CEP83: variants seen among roughly 807,000 people sequenced by gnomAD.
The protein encoded by CEP83 is centrosomal protein 83.
CEP83 carries 70 observed loss-of-function variants against 101.9 expected under a neutral mutation model. The observed-to-expected ratio is 0.69, with a 90% CI of 0.57 to 0.84. The LOEUF is 0.84. CEP83 is among the 40% of genes least tolerant of loss of function. CEP83 has a pLI of 0.00. For synonymous variants in CEP83, 264 were observed against 267.9 expected (o/e 0.99, Z 0.14); for missense variants, 715 against 787.2 (o/e 0.91, Z 1.10).
At chr12:94,275,850 G>T in the CEP83 span, among the ~76,000 whole-genome samples, 3 of 52,968 alleles carry the variant, frequency 5.7e-5, 1 homozygote, top group Admixed American at 6.9e-4. Context: ...GCGAGACTCC[G>T]TCTCAAAAAA....
intron 1 of CEP83, among the ~76,000 whole-genome samples, chr12:94,458,576 T>C (rs1433260298): frequency 6.6e-6 from 1 of 150,984 alleles, no homozygotes; most frequent in African/African-American, 2.4e-5. Flanking sequence ...CCATCTCTAC[T>C]AAAATAAAAA....
intron 9 of CEP83, chr12:94,369,472 T>A (rs1321848136): frequency 2.0e-5 from 3 of 151,476 alleles, no homozygotes; most frequent in African/African-American, 7.3e-5. Flanking sequence ...AAAATAAAAA[T>A]AAAAAATAAA....
intron 14 of CEP83, among the ~76,000 whole-genome samples, chr12:94,322,313 G>A (rs1017710136): frequency 6.6e-6 from 1 of 152,236 alleles, no homozygotes; most frequent in Non-Finnish European, 1.5e-5. Context: ...CTCTGTTCCA[G>A]GGAGGTTTGA....
intron 5 of CEP83, 75 bp downstream of exon 5, chr12:94,403,095 T>G: frequency 2.6e-6 from 2 of 771,014 alleles, no homozygotes; most frequent in South Asian, 3.2e-5. Context: ...GGTTTTGGGG[T>G]AGGGGAATGA....
intron 11 of CEP83, among the ~76,000 whole-genome samples, chr12:94,352,938 C>CAT (rs1342879654): frequency 6.6e-6 from 1 of 152,042 alleles, no homozygotes; most frequent in Non-Finnish European, 1.5e-5. Context: ...TAAACAAAAT[C>CAT]ATAACTGTAG....
At chr12:94,436,037 C>T (rs1944666275) in intron 1 of CEP83, among the ~76,000 whole-genome samples, 1 of 151,790 alleles carries the variant, frequency 6.6e-6, no homozygotes, top group Non-Finnish European at 1.5e-5. Flanking sequence ...AAGGGGGTGA[C>T]TCCACATCAA....
At chr12:94,343,055 C>G (rs4285919) in intron 11 of CEP83, among the ~76,000 whole-genome samples, 1 of 151,436 alleles carries the variant, frequency 6.6e-6, no homozygotes, top group African/African-American at 2.4e-5. Flanking sequence ...AAGGCAGATC[C>G]TATGTGTACA....
intron 2 of CEP83, among the ~76,000 whole-genome samples, chr12:94,416,573 C>CA (rs59339712): frequency 6.1e-5 from 9 of 148,056 alleles, no homozygotes; most frequent in Non-Finnish European, 1.2e-4. Context: ...CACACACACA[C>CA]AAAAAAAAAA....
At position 94,344,056 on chromosome 12, in the gene CEP83, G is replaced by C. The variant is rs2059823522; in HGVS notation, c.1344-8392C>G. Among the ~76,000 whole-genome samples, 5 of 152,182 alleles carry C rather than the reference G, an allele frequency of 3.3e-5. No individual in the cohort carries two copies. In the South Asian group the frequency reaches 1.0e-3, roughly 31 times the overall value. On this transcript the variant is annotated intron_variant, in intron 11 of 16. Transcript: ENST00000397809. ...AAGGTGGCTACCTGCAAGTCAAGAA[G>C]AGAGGTCTTAGGAGAAACCAAGCCA...
At chr12:94,345,701 C>T (rs2059904452) in intron 11 of CEP83, among the ~76,000 whole-genome samples, 1 of 152,214 alleles carries the variant, frequency 6.6e-6, no homozygotes, top group African/African-American at 2.4e-5. Flanking sequence ...AGGGGTCCTG[C>T]CCCTTCCTTA....
At chr12:94,452,400 A>C (rs7962059) in intron 1 of CEP83, among the ~76,000 whole-genome samples, 4,369 of 152,218 alleles carry the variant, frequency 0.029, 226 homozygotes, top group African/African-American at 0.1. Flanking sequence ...ATCTCTTCCA[A>C]ACTTTGGAAA....
intron 4 of CEP83, among the ~76,000 whole-genome samples, chr12:94,404,907 T>A (rs1318932922): frequency 6.6e-6 from 1 of 152,198 alleles, no homozygotes; most frequent in Non-Finnish European, 1.5e-5. Context: ...TGTACATATA[T>A]TTTTCTGTAC....
chr12:94,410,398 CTTG>C (rs2063806086), intron 4 of CEP83, among the ~76,000 whole-genome samples: 1 of 152,272 alleles, frequency 6.6e-6, no homozygotes, highest in Middle Eastern at 3.4e-3. Flanking sequence ...GACATAGTTA[CTTG>C]TTGAAGTTAT....
chr12:94,351,511 C>T (rs1286878382), intron 11 of CEP83, among the ~76,000 whole-genome samples: 2 of 152,166 alleles, frequency 1.3e-5, no homozygotes, highest in African/African-American at 4.8e-5. Context: ...AAGGGTCCAA[C>T]ACCACAACCT....
chr12:94,448,142 T>C (rs1021986084), intron 1 of CEP83, among the ~76,000 whole-genome samples: 2 of 151,714 alleles, frequency 1.3e-5, no homozygotes, highest in African/African-American at 4.8e-5. Flanking sequence ...ATAGAAACAG[T>C]AACCACAAAA....
At chr12:94,428,752 C>T (rs1006870602) in intron 2 of CEP83, among the ~76,000 whole-genome samples, 5 of 152,160 alleles carry the variant, frequency 3.3e-5, no homozygotes, top group Admixed American at 3.3e-4. Flanking sequence ...GACTGCTATA[C>T]CACATTTACT....
chr12:94,386,361 G>A (rs906226484), intron 6 of CEP83, among the ~76,000 whole-genome samples: 12 of 152,030 alleles, frequency 7.9e-5, no homozygotes, highest in African/African-American at 2.9e-4. Context: ...TTCTTTCTCT[G>A]GCCTTGTATA....
At chr12:94,349,694 C>T (rs1377350819) in intron 11 of CEP83, among the ~76,000 whole-genome samples, 1 of 152,186 alleles carries the variant, frequency 6.6e-6, no homozygotes, top group African/African-American at 2.4e-5. Flanking sequence ...AAATGTTTTC[C>T]TTTAAGATCA....
chr12:94,451,265 G>C (rs139903346), intron 1 of CEP83, among the ~76,000 whole-genome samples: 23 of 152,128 alleles, frequency 1.5e-4, no homozygotes, highest in Admixed American at 6.5e-5. Context: ...CAAAAAGTTC[G>C]TATACATAAC....
Sources: gnomAD v4.1 joint callset for allele counts (sites outside exome capture counted in the v4.1 genomes callset) on GRCh38, gnomAD v4.1.1 for gene constraint, MANE v1.5 for transcripts, NCBI Gene and HGNC (gene_info 2026-07-23, HGNC 2026-07-21) for gene names.